The following HDAC6 variants were observed in gnomAD, a reference collection of about 807,000 sequenced individuals.
HDAC6 encodes histone deacetylase 6.
HDAC6 carries 5 observed loss-of-function variants against 88.9 expected under a neutral mutation model. The ratio of observed to expected loss-of-function variants is 0.06; its 90% CI spans 0.03 to 0.12. The LOEUF is 0.12. Ranked by LOEUF, HDAC6 falls within the 10% of genes least tolerant of loss-of-function variation. The probability of loss-of-function intolerance (pLI) is 1.00; values close to 1 mark genes in which losing one functional copy is unlikely to be tolerated. For missense variants in HDAC6, 706 were observed against 1,014.4 expected (o/e 0.70, Z 4.13); for synonymous variants, 378 against 398.0 (o/e 0.95, Z 0.60).
upstream of HDAC6, chrX:48,801,863 C>G: frequency 1.0e-6 from 1 of 972,097 alleles, no homozygotes; most frequent in South Asian, 2.0e-5. Flanking sequence ...TGAGCGCTCG[C>G]GTCCCCACAG....
chrX:48,823,112 C>T lies in HDAC6; in HGVS notation c.2713C>T (p.Leu905Phe). The T allele has an allele frequency of 8.3e-7, 1 of 1,210,573 alleles. No homozygotes were observed. The highest frequency in any genetic ancestry group is 1.7e-5 in the African/African-American group (1 of 57,831). Residue 905 changes from leucine to phenylalanine, a missense_variant, in exon 25 of 29, where the codon CTC becomes TTC. Leu to Phe is a conservative substitution (Grantham distance 22). Coordinates refer to ENST00000334136, the MANE Select transcript of HDAC6 (RefSeq NM_006044.4). Reference protein sequence around the residue: ...QTNSETAVVALTQDQPSEAAT... With the variant: ...QTNSETAVVAFTQDQPSEAAT... The stretch of plus-strand genomic sequence containing the variant: ...TAACTCAGAGACAGCTGTGGTGGCC[C>T]TCACTCAGGACCAGCCCTCAGAGGC...
intron 23 of HDAC6, 107 bp downstream of exon 23, chrX:48,820,362 G>A (rs1225809230): frequency 1.4e-6 from 1 of 701,116 alleles, no homozygotes; most frequent in Non-Finnish European, 2.1e-6. Flanking sequence ...TCCCTGCCTG[G>A]GATTGTTGGC....
In HDAC6 at chrX:48,823,988, G is replaced by T. The variant is rs149349604; in HGVS notation, c.3370G>T (p.Ala1124Ser). ...PHLVAVCPIP[A>S]AGLDVTQPCG... ...TTTGGTGGCAGTATGCCCCATACCT[G>T]CAGCAGGCCTAGACGTGACCCAACC... The change falls in exon 27 of 29, where the codon GCA becomes TCA. Residue 1124 changes from alanine (A) to serine (S), a missense_variant. Physicochemically the swap from Ala to Ser is moderately conservative, Grantham distance 99. Around this residue, in one of 9 missense-constraint regions of HDAC6, gnomAD observed 112 missense variants for 95.1 expected, o/e 1.18. Coordinates refer to ENST00000334136, the MANE Select transcript of HDAC6 (RefSeq NM_006044.4). 4 of 1,209,804 alleles carry T rather than the reference G, an allele frequency of 3.3e-6. No homozygotes were observed. Among genetic ancestry groups the T allele is most frequent in the East Asian group, 5.9e-5 (2 of 33,752 alleles).
intron 9 of HDAC6, 38 bp downstream of exon 9, chrX:48,808,175 G>A (rs1557024991): frequency 8.7e-7 from 1 of 1,145,828 alleles, no homozygotes; most frequent in African/African-American, 1.8e-5. Flanking sequence ...GGGTGGCATG[G>A]GGTGGGGTGT....
At chrX:48,815,136 C>A in intron 14 of HDAC6, 85 bp downstream of exon 14, 1 of 815,944 alleles carries the variant, frequency 1.2e-6, no homozygotes, top group Non-Finnish European at 1.8e-6. Flanking sequence ...AGTTCCTGGC[C>A]CAGGAATTCA....
intron 22 of HDAC6, 118 bp downstream of exon 22, chrX:48,818,530 G>C (rs192721188): frequency 3.6e-4 from 209 of 586,821 alleles, no homozygotes; most frequent in African/African-American, 2.6e-3. Context: ...ATGAGACAGC[G>C]CATGGGTGTT....
intron 23 of HDAC6, among the ~76,000 whole-genome samples, chrX:48,821,595 C>T (rs782667241): frequency 8.5e-5 from 9 of 106,045 alleles, no homozygotes; most frequent in Non-Finnish European, 1.7e-4. Flanking sequence ...CTCTATCTCC[C>T]AGGCTCGAGC....
rs1203796722 is a variant in HDAC6 at position 48,815,130 on chromosome X, C to A, written c.1149+79C>A. Reference sequence around the variant, plus strand: ...GAAGCTTTCAAGTCCAACAGGAGTTCCTGGCCCAGGAATTCACTTACTAGC... The same window carrying A: ...GAAGCTTTCAAGTCCAACAGGAGTTACTGGCCCAGGAATTCACTTACTAGC... On this transcript the variant is annotated intron_variant, in intron 14 of 28. Coordinates refer to ENST00000334136, the MANE Select transcript of HDAC6 (RefSeq NM_006044.4). 8.2e-6 allele frequency: 7 copies of A among 854,156 alleles called. No individual in the cohort carries two copies. The Admixed American group carries it at 1.3e-4, about 16-fold the overall frequency. The allele number at this position is 854,156 out of a possible 1,213,427, so 70.4% of individuals were successfully genotyped here. A position where few individuals can be genotyped will look rare whatever the true frequency, so the allele number is the denominator to read the frequency against.
intron 23 of HDAC6, 21 bp from the exon 24 acceptor site, chrX:48,822,599 C>T: frequency 8.8e-7 from 1 of 1,133,173 alleles, no homozygotes; most frequent in Non-Finnish European, 1.2e-6. Context: ...ATACCTTTCC[C>T]TCCCCTTTTC....
Position 48,823,149 on chromosome X carries a change from G to T in HDAC6, c.2750G>T (p.Gly917Val). Residue 917 changes from glycine to valine, a missense_variant, in exon 25 of 29, where the codon GGA becomes GTA. Coordinates refer to ENST00000334136, the MANE Select transcript of HDAC6 (RefSeq NM_006044.4). Reference sequence around the variant, plus strand: ...CAGCCCTCAGAGGCAGCCACAGGGGGAGCCACTCTGGCCCAGACCATTTCT... The same window carrying T: ...CAGCCCTCAGAGGCAGCCACAGGGGTAGCCACTCTGGCCCAGACCATTTCT... Reference protein sequence around the residue: ...QDQPSEAATGGATLAQTISEA... With the variant: ...QDQPSEAATGVATLAQTISEA... 1.7e-6 allele frequency: 2 copies of T among 1,207,932 alleles called. No individual in the cohort carries two copies. The highest frequency in any genetic ancestry group is 2.2e-6 in the Non-Finnish European group (2 of 893,586).
rs1711853511 is a variant in HDAC6 at position 48,822,962 on chromosome X, G to T, written c.2563G>T (p.Ala855Ser). ...CAGTTCTAAGTTGGTCACCAAGAAG[G>T]CACCCCAACCAGCCAAACCTAGGTT... ...PSSSKLVTKK[A>S]PQPAKPRLAE... The change falls in exon 25 of 29, where the codon GCA becomes TCA. Residue 855 changes from alanine to serine, a missense_variant. By Grantham distance (99) the Ala-to-Ser change is moderately conservative (BLOSUM62 1). Coordinates refer to ENST00000334136, the MANE Select transcript of HDAC6 (RefSeq NM_006044.4). The T allele has an allele frequency of 2.5e-6, 3 of 1,205,664 alleles. No homozygotes were observed. Among genetic ancestry groups the T allele is most frequent in the Non-Finnish European group, 3.4e-6 (3 of 892,216 alleles).
rs2063141946 is a variant in HDAC6, at chrX:48,824,897, A to T, written c.*285A>T. The T allele has an allele frequency of 9.1e-7, 1 of 1,102,749 alleles. No individual in the cohort carries two copies. The allele number at this position is 1,102,749 out of a possible 1,213,427, so 90.9% of individuals were successfully genotyped here. ...GCCCCAAGAGGGAGCTGATATCATG[A>T]GGATAACATTGGCGGGAGGGGAGTT... is the stretch of plus-strand genomic sequence containing the variant. On this transcript the variant is annotated 3_prime_UTR_variant, in exon 29 of 29. Transcript: ENST00000334136.
In HDAC6 at chrX:48,823,582, A is replaced by G. The variant is rs1241841286; in HGVS notation, c.3183A>G (p.Glu1061=). ...GSLRTLELGS[E]SQGASESQAP... ...TCAGGACCTTGGAGCTAGGCAGCGA[A>G]TCTCAGGTAAGGCTCACCACACCCA... is the stretch of plus-strand genomic sequence containing the variant. The change falls in exon 25 of 29, where the codon GAA becomes GAG. Residue 1061 remains glutamate, a synonymous_variant. Transcript: ENST00000334136. 1 of 1,205,111 alleles carries G rather than the reference A, an allele frequency of 8.3e-7. No individual in the cohort carries two copies. The highest frequency in any genetic ancestry group is 1.8e-5 in the African/African-American group (1 of 56,964).
chrX:48,822,563 T>C, intron 23 of HDAC6, 57 bp from the exon 24 acceptor site: 1 of 999,856 alleles, frequency 1.0e-6, no homozygotes, highest in South Asian at 2.4e-5. Flanking sequence ...CATGTTGTCC[T>C]CCAAATTCCC....
At chrX:48,807,927 G>C in intron 8 of HDAC6, 106 bp from the exon 9 acceptor site, 1 of 550,593 alleles carries the variant, frequency 1.8e-6, no homozygotes, top group Non-Finnish European at 3.1e-6. Context: ...TTAGGCATCA[G>C]CATTAAAGGA....
At chrX:48,802,336 G>A in intron 1 of HDAC6, 194 bp downstream of exon 1, 1 of 886,668 alleles carries the variant, frequency 1.1e-6, no homozygotes, top group Non-Finnish European at 1.4e-6. Context: ...TAGGAGAGTA[G>A]AAGGGGCGGT....
intron 19 of HDAC6, 75 bp downstream of exon 19, chrX:48,816,708 GCT>G (rs1325862929): frequency 1.0e-6 from 1 of 992,279 alleles, no homozygotes; most frequent in Non-Finnish European, 1.4e-6. Context: ...GTTTCTGGAG[GCT>G]CTGAGAGAGT....
chrX:48,820,144 T>C lies in HDAC6; in HGVS notation c.2226T>C (p.Asp742=), dbSNP rs1557029241. The change falls in exon 23 of 29, where the codon GAT becomes GAC. Residue 742 remains aspartate (D), a synonymous_variant. Coordinates refer to ENST00000334136, the MANE Select transcript of HDAC6 (RefSeq NM_006044.4). ...TGGTGCTGGTCTCAGCTGGCTTTGA[T>C]GCTGCACGGGGGGATCCGCTGGGGG... ...PELVLVSAGF[D]AARGDPLGGC... The C allele has an allele frequency of 3.3e-6, 4 of 1,209,847 alleles. No individual in the cohort carries two copies. The African/African-American group carries it at 7.0e-5, about 21-fold the overall frequency.
At chrX:48,814,105 G>A (rs1557026544) in intron 10 of HDAC6, 1 of 256,704 alleles carries the variant, frequency 3.9e-6, no homozygotes, top group African/African-American at 2.8e-5. Context: ...CTAGAGCTGA[G>A]CCTGAAATTG....
Sources: allele counts gnomAD v4.1 joint callset (sites outside exome capture counted in the v4.1 genomes callset), GRCh38; gene constraint gnomAD v4.1.1; regional missense constraint gnomAD v4.1.1; transcripts MANE v1.5; gene names NCBI Gene and HGNC (gene_info 2026-07-23, HGNC 2026-07-21).